The following GBP5 variants were observed in gnomAD, a reference collection of about 807,000 sequenced individuals.
GBP5 encodes guanylate-binding protein 5.
Under a neutral mutation model 58.2 loss-of-function variants are expected in GBP5, and 48 were observed. The observed-to-expected ratio is 0.83, with a 90% CI of 0.65 to 1.05. The LOEUF is 1.05. Among genes scored for constraint, GBP5 ranks in the 50% least tolerant of loss-of-function variants. The pLI, the probability that GBP5 is intolerant of heterozygous loss-of-function variation, is 0.00. For missense variants in GBP5, 714 were observed against 686.8 expected, an observed-to-expected ratio of 1.04 and a Z score of -0.44; for synonymous variants, 248 against 251.8, an observed-to-expected ratio of 0.98 and a Z score of 0.14.
intron 7 of GBP5, among the ~76,000 whole-genome samples, chr1:89,265,712 A>T (rs1037384365): frequency 7.5e-6 from 1 of 133,308 alleles, no homozygotes; most frequent in Non-Finnish European, 1.6e-5. Flanking sequence ...TGGGCAACAG[A>T]GGGAGACTCC....
At chr1:89,265,737 A>G (rs1650188123) in intron 7 of GBP5, among the ~76,000 whole-genome samples, 1 of 151,590 alleles carries the variant, frequency 6.6e-6, no homozygotes. Flanking sequence ...CAAAAAAAAA[A>G]AAAAAAAAAA....
chr1:89,264,859 C>T lies in GBP5; in HGVS notation c.976G>A (p.Val326Met), dbSNP rs1000868670. The T allele has an allele frequency of 6.2e-6, 10 of 1,614,200 alleles. No homozygotes were observed. The highest frequency in any genetic ancestry group is 8.5e-6 in the Non-Finnish European group (10 of 1,180,028). The change falls in exon 8 of 12, where the codon GTG becomes ATG. Residue 326 changes from valine to methionine, a missense_variant. Physicochemically the swap from Val to Met is conservative, Grantham distance 21. Transcript: ENST00000370459. ...TCATAGTGGGCAATGGCCTTTTGCACTGCAGCTGAGTTCTCTCTCTGAGCC... is the reference window on the plus strand; with the variant it reads ...TCATAGTGGGCAATGGCCTTTTGCATTGCAGCTGAGTTCTCTCTCTGAGCC... ...ALAQRENSAA[V>M]QKAIAHYDQQ...
chr1:89,264,643 C>T (rs951396253), intron 8 of GBP5, 43 bp downstream of exon 8: 3 of 1,570,976 alleles, frequency 1.9e-6, no homozygotes, highest in Non-Finnish European at 2.6e-6. Context: ...AATACTTTGC[C>T]TTCTTGACCT....
chr1:89,264,592 T>C (rs1650133138), intron 8 of GBP5, 94 bp downstream of exon 8: 3 of 1,075,482 alleles, frequency 2.8e-6, no homozygotes, highest in Non-Finnish European at 2.7e-6. Flanking sequence ...TCCAATCTAG[T>C]ATTTTTTTTC....
rs61732483 is a variant in GBP5, at chr1:89,269,398, T to A, written c.158A>T (p.Tyr53Phe). ...IVGLYRTGKS[Y>F]LMNKLAGKNK... ...CTTCCCAGCCAGCTTGTTCATCAGG[T>A]AGGATTTGCCAGTGCGATAGAGGCC... The change falls in exon 3 of 12, where the codon TAC (tyrosine) becomes TTC (phenylalanine). Residue 53 changes from tyrosine to phenylalanine, a missense_variant. By Grantham distance (22) the Tyr-to-Phe change is conservative. Coordinates refer to ENST00000370459, the MANE Select transcript of GBP5 (RefSeq NM_052942.5). 4.7e-3 allele frequency: 7,615 copies of A among 1,614,018 alleles called. 333 individuals are homozygous for A. In the African/African-American group the frequency reaches 0.087, roughly 18 times the overall value.
Position 89,262,323 on chromosome 1 carries a change from A to G in GBP5, c.1544T>C (p.Met515Thr), listed in dbSNP as rs765430876. The G allele has an allele frequency of 5.6e-6, 9 of 1,613,998 alleles. No homozygotes were observed. Among genetic ancestry groups the G allele is most frequent in the Non-Finnish European group, 6.8e-6 (8 of 1,180,014 alleles). Residue 515 changes from methionine (M) to threonine (T), a missense_variant, in exon 11 of 12, where the codon ATG (methionine) becomes ACG (threonine). Met to Thr is a moderately conservative substitution (Grantham distance 81). Transcript: ENST00000370459. ...AAIQRQNEQM[M>T]QERERLHQEQ... ...CTGATGGAGTCTCTCCCTCTCCTGC[A>G]TCATTTGCTCGTTCTGCCTTTGAAT...
intron 4 of GBP5, 22 bp downstream of exon 4, chr1:89,268,707 A>T: frequency 1.9e-6 from 3 of 1,607,156 alleles, no homozygotes; most frequent in Non-Finnish European, 2.6e-6. Flanking sequence ...TTAGGAGGTT[A>T]AAAAAAGGAA....
At chr1:89,264,010 ATTCTG>A in intron 8 of GBP5, 62 bp from the exon 9 acceptor site, 2 of 1,011,814 alleles carry the variant, frequency 2.0e-6, no homozygotes, top group Admixed American at 2.1e-5. Flanking sequence ...TCTGGAAATA[ATTCTG>A]AAAAAGAATC....
chr1:89,269,329 C>T (rs1650347831), intron 3 of GBP5, 37 bp downstream of exon 3: 1 of 1,598,950 alleles, frequency 6.3e-7, no homozygotes, highest in Admixed American at 1.7e-5. Flanking sequence ...TGTGAATGGA[C>T]AGAAGGGTTT....
rs751175245 is a variant in GBP5, at chr1:89,266,339, TACTC to T, written c.868+3_868+6del. On this transcript the variant is annotated splice_donor_5th_base_variant and intron_variant, in intron 7 of 11. Coordinates refer to ENST00000370459, the MANE Select transcript of GBP5 (RefSeq NM_052942.5). The stretch of plus-strand genomic sequence containing the variant: ...AATTGAAGGAAAATCCTAAAAATAA[TACTC>T]ACGAGATCCATTGACCATGATGCCA... The T allele has an allele frequency of 6.5e-5, 105 of 1,607,928 alleles. 3 individuals are homozygous for T. In the South Asian group the frequency reaches 1.1e-3, roughly 17 times the overall value.
rs144150218 is a variant in GBP5 at position 89,272,028 on chromosome 1, T to G, written c.-128+424A>C. 2.6e-5 allele frequency: 4 copies of G among 152,362 alleles called. No individual in the cohort carries two copies. The East Asian group carries it at 7.7e-4, about 29-fold the overall frequency. 9.4% of individuals were successfully genotyped at this position (152,362 alleles called of 1,614,324 possible). A position where few individuals can be genotyped will look rare whatever the true frequency, so the allele number is the denominator to read the frequency against. ...GGCAACATTTTTTTCTTGTCCTTAA[T>G]GTTTGCAAGCTACTTACATTGCATC... On this transcript the variant is annotated intron_variant, in intron 1 of 11. Transcript: ENST00000370459.
At position 89,257,582 on chromosome 1, in the gene GBP5, A is replaced by G. The variant is rs1649830165; in HGVS notation, c.*3122T>C. ...AACAATAATAACTTTAATAATGATA[A>G]CACTAACATACATTGATAATATTGT... On this transcript the variant is annotated 3_prime_UTR_variant, in exon 12 of 12. Coordinates refer to ENST00000370459, the MANE Select transcript of GBP5 (RefSeq NM_052942.5). Among the ~76,000 whole-genome samples the G allele has an allele frequency of 1.3e-5, 2 of 152,208 alleles. No individual in the cohort carries two copies. The highest frequency in any genetic ancestry group is 1.3e-4 in the Admixed American group (2 of 15,282).
chr1:89,260,674 TA>T lies in GBP5; in HGVS notation c.*29del. ...CTGTTGTGTCATCAGTGACAAAGAG[TA>T]AAAAAAGGAAACTCCCATATTTAGC... On this transcript the variant is annotated 3_prime_UTR_variant, in exon 12 of 12. Coordinates refer to ENST00000370459, the MANE Select transcript of GBP5 (RefSeq NM_052942.5). The T allele has an allele frequency of 4.5e-6, 6 of 1,341,110 alleles. No individual in the cohort carries two copies. The highest frequency in any genetic ancestry group is 6.4e-6 in the Non-Finnish European group (6 of 934,280). The allele number at this position is 1,341,110 out of a possible 1,614,324, so 83.1% of individuals were successfully genotyped here.
At position 89,269,051 on chromosome 1, in the gene GBP5, ATAT is replaced by A. The variant is rs140950341; in HGVS notation, c.191-198_191-196del. Among the ~76,000 whole-genome samples, 848 of 152,294 alleles carry A rather than the reference ATAT, an allele frequency of 5.6e-3. 10 individuals carry two copies. The highest frequency in any genetic ancestry group is 0.019 in the African/African-American group (802 of 41,536). ...AGGTTGGAACTTTGATATTAAAAAAATATTATGCTACTAAAATGTTGCTAGTTT... is the reference window on the plus strand; with the variant it reads ...AGGTTGGAACTTTGATATTAAAAAAATATGCTACTAAAATGTTGCTAGTTT... On this transcript the variant is annotated intron_variant, in intron 3 of 11. Transcript: ENST00000370459.
chr1:89,270,411 T>G (rs918740737), intron 2 of GBP5: 1 of 152,256 alleles, frequency 6.6e-6, no homozygotes, highest in African/African-American at 2.4e-5. Flanking sequence ...CACTATCCGC[T>G]TGACGAGTTC....
At position 89,259,539 on chromosome 1, in the gene GBP5, G is replaced by C. The variant is rs17436441; in HGVS notation, c.*1165C>G. 0.087 allele frequency: 13,196 copies of C among 152,182 alleles called. 811 individuals carry two copies. Among genetic ancestry groups the C allele is most frequent in the Middle Eastern group, 0.16 (46 of 294 alleles). 9.4% of individuals were successfully genotyped at this position (152,182 alleles called of 1,614,324 possible). A position where few individuals can be genotyped will look rare whatever the true frequency, so the allele number is the denominator to read the frequency against. ...GCATCCAGCACACGACCATTAGCCT[G>C]AGTGATGCCCAACTGAGCCCAGACT... is the stretch of plus-strand genomic sequence containing the variant. On this transcript the variant is annotated 3_prime_UTR_variant, in exon 12 of 12. Transcript: ENST00000370459.
intron 4 of GBP5, among the ~76,000 whole-genome samples, 182 bp downstream of exon 4, chr1:89,268,547 T>C (rs1295816217): frequency 1.3e-5 from 2 of 152,200 alleles, no homozygotes; most frequent in African/African-American, 4.8e-5. Context: ...ATACTGATTC[T>C]GGCTTATAAA....
chr1:89,266,992 T>A lies in GBP5; in HGVS notation c.590A>T (p.Asp197Val). 1.2e-6 allele frequency: 2 copies of A among 1,611,436 alleles called. No homozygotes were observed. Among genetic ancestry groups the A allele is most frequent in the African/African-American group, 1.3e-5 (1 of 74,876 alleles). Reference protein sequence around the residue: ...LEIDGQLVTPDEYLENSLRPK... With the variant: ...LEIDGQLVTPVEYLENSLRPK... ...CCTTAGGGAATTCTCCAGGTATTCA[T>A]CTGGTGTGACAAGTTGCCCATCTAT... Residue 197 changes from aspartate to valine, a missense_variant, in exon 6 of 12, where the codon GAT becomes GTT. By Grantham distance (152) the Asp-to-Val change is radical (BLOSUM62 -3). Transcript: ENST00000370459.
intron 8 of GBP5, 128 bp from the exon 9 acceptor site, chr1:89,264,076 T>G (rs185208829): frequency 1.6e-6 from 1 of 622,154 alleles, no homozygotes; most frequent in South Asian, 2.0e-5. Flanking sequence ...CAAGACTATA[T>G]CCTTCCCACC....
Sources: gnomAD v4.1 joint callset for allele counts (sites outside exome capture counted in the v4.1 genomes callset) on GRCh38, gnomAD v4.1.1 for gene constraint, MANE v1.5 for transcripts, NCBI Gene and HGNC (gene_info 2026-07-23, HGNC 2026-07-21) for gene names.